The following PAPPA2 variants were observed in gnomAD, a reference collection of about 807,000 sequenced individuals.
The protein encoded by PAPPA2 is pappalysin-2.
PAPPA2 carries 86 observed loss-of-function variants against 176.4 expected under a neutral mutation model. That is an observed-to-expected ratio of 0.49 (90% CI 0.41 to 0.58). The LOEUF is 0.58. Ranked by LOEUF, PAPPA2 falls within the 20% of genes least tolerant of loss-of-function variation. PAPPA2 has a pLI of 0.00. For missense variants in PAPPA2, 2,073 were observed against 2,256.9 expected (o/e 0.92, Z 1.65); for synonymous variants, 809 against 852.2 (o/e 0.95, Z 0.88).
chr1:176,595,215 C>A lies in PAPPA2; in HGVS notation c.1611C>A (p.Gly537=). 1 of 1,614,190 alleles carries A rather than the reference C, an allele frequency of 6.2e-7. No homozygotes were observed. The highest frequency in any genetic ancestry group is 1.3e-5 in the African/African-American group (1 of 75,044). The change falls in exon 3 of 23, where the codon GGC becomes GGA. Residue 537 remains glycine (G), a synonymous_variant. Coordinates refer to ENST00000367662, the MANE Select transcript of PAPPA2 (RefSeq NM_020318.3). ...TGGTGAACATCTGTGATGATGAGGG[C>A]CTAAACCCCATTGTGAGTGAGGAGC... ...YQVVNICDDE[G]LNPIVSEEQI...
chr1:176,761,963 A>G (rs1663718229), intron 14 of PAPPA2, among the ~76,000 whole-genome samples: 1 of 152,236 alleles, frequency 6.6e-6, no homozygotes, highest in Non-Finnish European at 1.5e-5. Context: ...TTAGGTAGAA[A>G]GGAGAATGTA....
At chr1:176,523,446 C>T (rs1649311103) in intron 1 of PAPPA2, among the ~76,000 whole-genome samples, 1 of 152,200 alleles carries the variant, frequency 6.6e-6, no homozygotes, top group Admixed American at 6.5e-5. Context: ...AGCCTCTCTT[C>T]ACAGGTTAAG....
At chr1:176,552,678 C>A (rs1048091036) in intron 1 of PAPPA2, among the ~76,000 whole-genome samples, 5 of 152,152 alleles carry the variant, frequency 3.3e-5, no homozygotes, top group Non-Finnish European at 7.3e-5. Context: ...CCCAACTACC[C>A]CCGTCAAAAT....
chr1:176,762,386 C>T (rs188526406), intron 14 of PAPPA2, among the ~76,000 whole-genome samples: 10 of 152,098 alleles, frequency 6.6e-5, no homozygotes, highest in Non-Finnish European at 1.0e-4. Context: ...ATAGTAGTTC[C>T]CATTTTGATG....
intron 21 of PAPPA2, among the ~76,000 whole-genome samples, chr1:176,805,085 TC>T (rs1665844088): frequency 1.4e-5 from 2 of 147,720 alleles, no homozygotes; most frequent in African/African-American, 4.9e-5. Flanking sequence ...CTTCCTTCCT[TC>T]CTTCCTTTTA....
In PAPPA2 at chr1:176,556,041, G is replaced by A. The variant is rs573709373; in HGVS notation, c.-282G>A. The A allele has an allele frequency of 2.8e-5, 10 of 361,146 alleles. No homozygotes were observed. Among genetic ancestry groups the A allele is most frequent in the East Asian group, 4.5e-5 (1 of 22,018 alleles). 22.4% of individuals were successfully genotyped at this position (361,146 alleles called of 1,614,324 possible). ...AAAGGAACCAAGAGAAATTAACTTCGTTCTGCAAGGACTAAAGTACAGCAA... is the reference window on the plus strand; with the variant it reads ...AAAGGAACCAAGAGAAATTAACTTCATTCTGCAAGGACTAAAGTACAGCAA... On this transcript the variant is annotated 5_prime_UTR_variant, in exon 2 of 23. Transcript: ENST00000367662.
At chr1:176,471,735 T>C (rs982999308) in intron 1 of PAPPA2, among the ~76,000 whole-genome samples, 2 of 152,248 alleles carry the variant, frequency 1.3e-5, no homozygotes, top group African/African-American at 4.8e-5. Flanking sequence ...TCTTGTGATA[T>C]ATCCTTTCAA....
chr1:176,466,658 A>G (rs1651632832), intron 1 of PAPPA2, among the ~76,000 whole-genome samples: 1 of 152,128 alleles, frequency 6.6e-6, no homozygotes, highest in African/African-American at 2.4e-5. Context: ...TGTGCAGCAG[A>G]GAGAGGTATG....
chr1:176,716,878 TG>T (rs747086273), intron 12 of PAPPA2, among the ~76,000 whole-genome samples: 2 of 152,074 alleles, frequency 1.3e-5, no homozygotes, highest in Non-Finnish European at 2.9e-5. Flanking sequence ...CCCAAAGTGC[TG>T]GGATTACAGG....
intron 3 of PAPPA2, among the ~76,000 whole-genome samples, chr1:176,635,157 C>T (rs1262748373): frequency 6.6e-6 from 1 of 152,128 alleles, no homozygotes; most frequent in African/African-American, 2.4e-5. Flanking sequence ...CAGAAGTTTT[C>T]AGGTTTTTTT....
chr1:176,502,224 G>A (rs532639246), intron 1 of PAPPA2, among the ~76,000 whole-genome samples: 4 of 152,136 alleles, frequency 2.6e-5, no homozygotes, highest in Non-Finnish European at 5.9e-5. Flanking sequence ...TGAAAGCATT[G>A]GAATGAGGTG....
Position 176,765,849 on chromosome 1 carries a change from G to A in PAPPA2, c.4323+12G>A. On this transcript the variant is annotated intron_variant, in intron 15 of 22. Transcript: ENST00000367662. Reference sequence around the variant, plus strand: ...TCAGGCCCATGCAGGTGAGTTGAAAGAACACTATCACCAGGACCAAGTTCC... The same window carrying A: ...TCAGGCCCATGCAGGTGAGTTGAAAAAACACTATCACCAGGACCAAGTTCC... 1 of 1,612,528 alleles carries A rather than the reference G, an allele frequency of 6.2e-7. No individual in the cohort carries two copies. Among genetic ancestry groups the A allele is most frequent in the South Asian group, 1.1e-5 (1 of 90,816 alleles).
At chr1:176,646,949 A>G (rs948994732) in intron 3 of PAPPA2, among the ~76,000 whole-genome samples, 1 of 151,592 alleles carries the variant, frequency 6.6e-6, no homozygotes, top group African/African-American at 2.4e-5. Context: ...GCTGGATCAC[A>G]TGATAGCTCT....
At chr1:176,599,010 C>T (rs1199680046) in intron 3 of PAPPA2, among the ~76,000 whole-genome samples, 1 of 152,080 alleles carries the variant, frequency 6.6e-6, no homozygotes, top group African/African-American at 2.4e-5. Context: ...TTTTATTCTG[C>T]CTTCCTACAA....
chr1:176,501,303 A>G (rs943241449), intron 1 of PAPPA2, among the ~76,000 whole-genome samples: 1 of 152,140 alleles, frequency 6.6e-6, no homozygotes, highest in Non-Finnish European at 1.5e-5. Flanking sequence ...ACGTTTAACA[A>G]TTAGTCTCTA....
intron 2 of PAPPA2, among the ~76,000 whole-genome samples, chr1:176,592,157 T>G (rs895498765): frequency 6.6e-6 from 1 of 152,208 alleles, no homozygotes; most frequent in Non-Finnish European, 1.5e-5. Context: ...AGGATAGTGC[T>G]TCAGCAACTA....
intron 21 of PAPPA2, among the ~76,000 whole-genome samples, chr1:176,816,253 A>ATGTATG (rs1553209491): frequency 7.2e-6 from 1 of 138,124 alleles, no homozygotes; most frequent in Non-Finnish European, 1.5e-5. Context: ...ATATATATAT[A>ATGTATG]TATGTATGTA....
intron 20 of PAPPA2, among the ~76,000 whole-genome samples, chr1:176,798,224 T>G (rs1454895320): frequency 6.6e-6 from 1 of 152,220 alleles, no homozygotes; most frequent in Non-Finnish European, 1.5e-5. Flanking sequence ...GATTTATATA[T>G]AAGCTTTGTT....
At chr1:176,829,245 G>A (rs1053457833) in intron 21 of PAPPA2, among the ~76,000 whole-genome samples, 3 of 151,966 alleles carry the variant, frequency 2.0e-5, no homozygotes, top group Non-Finnish European at 4.4e-5. Flanking sequence ...GAAAGAGAGG[G>A]AAGGATGGAA....
Sources: allele counts gnomAD v4.1 joint callset (sites outside exome capture counted in the v4.1 genomes callset), GRCh38; gene constraint gnomAD v4.1.1; transcripts MANE v1.5; gene names NCBI Gene and HGNC (gene_info 2026-07-23, HGNC 2026-07-21).